VANGL1: variants seen among roughly 807,000 people sequenced by gnomAD.
VANGL1 encodes the protein vang-like protein 1.
Under a neutral mutation model 48.4 loss-of-function variants are expected in VANGL1, and 18 were observed. That is an observed-to-expected ratio of 0.37 (90% confidence interval 0.26 to 0.55). The LOEUF is 0.55. Ranked by LOEUF, VANGL1 falls within the 20% of genes least tolerant of loss-of-function variation. VANGL1 has a pLI of 0.81. For missense variants in VANGL1, 667 were observed against 675.8 expected (o/e 0.99, Z 0.14); for synonymous variants, 257 against 261.8 (o/e 0.98, Z 0.18).
chr1:115,649,535 T>C (rs890236262), intron 1 of VANGL1, among the ~76,000 whole-genome samples: 2 of 152,226 alleles, frequency 1.3e-5, no homozygotes, highest in African/African-American at 4.8e-5. Context: ...AACAAGCATT[T>C]CGGAACCCGC....
intron 1 of VANGL1, among the ~76,000 whole-genome samples, chr1:115,642,324 C>T (rs1651763697): frequency 1.3e-5 from 2 of 151,998 alleles, no homozygotes; most frequent in Admixed American, 1.3e-4. Context: ...GCGTTGCGCC[C>T]CTCCTGGCCC....
intron 4 of VANGL1, among the ~76,000 whole-genome samples, chr1:115,677,330 G>A (rs1008139469): frequency 3.9e-5 from 6 of 152,320 alleles, no homozygotes; most frequent in Middle Eastern, 3.4e-3. Flanking sequence ...AAGTGCTTTC[G>A]TGGTTGATTA....
chr1:115,664,765 G>A (rs1434850278), intron 4 of VANGL1, among the ~76,000 whole-genome samples: 2 of 152,178 alleles, frequency 1.3e-5, no homozygotes, highest in African/African-American at 2.4e-5. Context: ...AAAGAATCAA[G>A]TGCAGGTTAG....
At chr1:115,663,309 A>G (rs534612298) in intron 3 of VANGL1, among the ~76,000 whole-genome samples, 1 of 152,302 alleles carries the variant, frequency 6.6e-6, no homozygotes, top group African/African-American at 2.4e-5. Context: ...AGATTAGTCT[A>G]ATACCTGGGT....
intron 2 of VANGL1, among the ~76,000 whole-genome samples, chr1:115,656,981 C>T (rs552757485): frequency 2.5e-4 from 38 of 152,150 alleles, no homozygotes; most frequent in Non-Finnish European, 4.9e-4. Context: ...AAAATGGAAA[C>T]GGATTAAGAT....
chr1:115,649,467 G>A (rs773195409), intron 1 of VANGL1, among the ~76,000 whole-genome samples: 5 of 152,142 alleles, frequency 3.3e-5, no homozygotes, highest in South Asian at 4.1e-4. Flanking sequence ...CAGGAAGGCC[G>A]GCACAGAGAC....
chr1:115,664,945 AG>A (rs1212302350), intron 4 of VANGL1, among the ~76,000 whole-genome samples: 1 of 152,212 alleles, frequency 6.6e-6, no homozygotes, highest in Non-Finnish European at 1.5e-5. Context: ...CTTTATATAT[AG>A]ATTGTGTATT....
intron 4 of VANGL1, among the ~76,000 whole-genome samples, chr1:115,680,021 GTA>G (rs1491408012): frequency 7.6e-5 from 6 of 79,114 alleles, no homozygotes; most frequent in South Asian, 8.3e-4. Context: ...GTGTGTGTGT[GTA>G]TGTGAGAGAG....
rs954218207 is a variant in VANGL1 at position 115,679,600 on chromosome 1, C to A, written c.813-2764C>A. Among the ~76,000 whole-genome samples, 4 of 152,208 alleles carry A rather than the reference C, an allele frequency of 2.6e-5. No individual in the cohort carries two copies. The East Asian group carries it at 7.7e-4, about 29-fold the overall frequency. On this transcript the variant is annotated intron_variant, in intron 4 of 7. Coordinates refer to ENST00000355485, the MANE Select transcript of VANGL1 (RefSeq NM_138959.3). Reference sequence around the variant, plus strand: ...ACAGGGTGGAGGGTGAGAGACACAGCCAGGAGGCTCCGACCCACCCATCCC... The same window carrying A: ...ACAGGGTGGAGGGTGAGAGACACAGACAGGAGGCTCCGACCCACCCATCCC...
Position 115,688,908 on chromosome 1 carries a change from G to A in VANGL1, c.1315-2211G>A, listed in dbSNP as rs1311148136. Among the ~76,000 whole-genome samples, 3 of 133,484 alleles carry A rather than the reference G, an allele frequency of 2.2e-5. 1 individual carries two copies. The highest frequency in any genetic ancestry group is 4.8e-5 in the Non-Finnish European group (3 of 62,066). The allele number at this position is 133,484 out of a possible 152,430, so 87.6% of individuals were successfully genotyped here. ...GGGTTCACACCATTCTCCTGCCTCAGCCTCCCGAGTAACTGGGACTACAGG... is the reference window on the plus strand; with the variant it reads ...GGGTTCACACCATTCTCCTGCCTCAACCTCCCGAGTAACTGGGACTACAGG... On this transcript the variant is annotated intron_variant, in intron 7 of 7. Coordinates refer to ENST00000355485, the MANE Select transcript of VANGL1 (RefSeq NM_138959.3).
At chr1:115,686,602 G>A (rs1028917722) in intron 7 of VANGL1, among the ~76,000 whole-genome samples, 9 of 152,020 alleles carry the variant, frequency 5.9e-5, no homozygotes, top group African/African-American at 1.7e-4. Flanking sequence ...TAATTGTTTT[G>A]TGACTGTGCA....
At chr1:115,677,604 T>C (rs1393613540) in intron 4 of VANGL1, among the ~76,000 whole-genome samples, 2 of 152,226 alleles carry the variant, frequency 1.3e-5, no homozygotes, top group East Asian at 3.9e-4. Context: ...ATGTGCTGTT[T>C]TCCACAAATC....
chr1:115,697,884 T>A lies in VANGL1; in HGVS notation c.*6505T>A, dbSNP rs2101048876. ...CCAGCCTCTGCTCATGGTCACCATATGTGTATGACAAGGCCTGAGTGAGTT... is the reference window on the plus strand; with the variant it reads ...CCAGCCTCTGCTCATGGTCACCATAAGTGTATGACAAGGCCTGAGTGAGTT... On this transcript the variant is annotated 3_prime_UTR_variant, in exon 8 of 8. Coordinates refer to ENST00000355485, the MANE Select transcript of VANGL1 (RefSeq NM_138959.3). 6.6e-6 allele frequency: 1 copy of A among 152,360 alleles called. No individual in the cohort carries two copies. Among genetic ancestry groups the A allele is most frequent in the South Asian group, 2.1e-4 (1 of 4,832 alleles). The allele number at this position is 152,360 out of a possible 1,614,324, so 9.4% of individuals were successfully genotyped here.
intron 1 of VANGL1, among the ~76,000 whole-genome samples, chr1:115,649,691 A>T (rs1303589152): frequency 6.6e-6 from 1 of 152,180 alleles, no homozygotes; most frequent in Non-Finnish European, 1.5e-5. Flanking sequence ...GAGGTTTACT[A>T]ATTTTGACTG....
chr1:115,659,870 T>C, intron 3 of VANGL1, 97 bp downstream of exon 3: 1 of 1,534,686 alleles, frequency 6.5e-7, no homozygotes, highest in East Asian at 2.3e-5. Flanking sequence ...TTGTCTTTAT[T>C]TTTCTAGCAT....
Position 115,652,423 on chromosome 1 carries a change from G to A in VANGL1, c.71+939G>A, listed in dbSNP as rs1196672745. On this transcript the variant is annotated intron_variant, in intron 2 of 7. Coordinates refer to ENST00000355485, the MANE Select transcript of VANGL1 (RefSeq NM_138959.3). Reference sequence around the variant, plus strand: ...TAGAATTGTACTTGGTGAAATTGCAGTGCTGCTGTTTACTTAGCCTTGTCA... The same window carrying A: ...TAGAATTGTACTTGGTGAAATTGCAATGCTGCTGTTTACTTAGCCTTGTCA... Among the ~76,000 whole-genome samples, 4 of 152,212 alleles carry A rather than the reference G, an allele frequency of 2.6e-5. No individual in the cohort carries two copies. The East Asian group carries it at 7.7e-4, about 29-fold the overall frequency.
At chr1:115,650,454 A>G (rs915749164) in intron 1 of VANGL1, among the ~76,000 whole-genome samples, 1 of 152,122 alleles carries the variant, frequency 6.6e-6, no homozygotes, top group Non-Finnish European at 1.5e-5. Context: ...GTGGGAGAAG[A>G]CCCAGGAGCC....
intron 4 of VANGL1, among the ~76,000 whole-genome samples, chr1:115,672,031 A>G (rs1366141620): frequency 6.6e-6 from 1 of 152,206 alleles, no homozygotes; most frequent in African/African-American, 2.4e-5. Context: ...GATCCAGGTA[A>G]TTGCATGAGC....
intron 1 of VANGL1, among the ~76,000 whole-genome samples, chr1:115,643,053 T>C (rs9428076): frequency 0.4 from 61,413 of 152,140 alleles, 16,659 homozygotes; most frequent in African/African-American, 0.78. Flanking sequence ...TTGTGAGCTC[T>C]CTTAGATTCT....
Sources: allele counts gnomAD v4.1 joint callset (sites outside exome capture counted in the v4.1 genomes callset), GRCh38; gene constraint gnomAD v4.1.1; transcripts MANE v1.5; gene names NCBI Gene and HGNC (gene_info 2026-07-23, HGNC 2026-07-21).